Variants in CPNE4 observed in about 807,000 individuals in gnomAD.
CPNE4 encodes copine-4.
Under a neutral mutation model 67.9 loss-of-function variants are expected in CPNE4, and 25 were observed. That is an observed-to-expected ratio of 0.37 (90% CI 0.27 to 0.51). The LOEUF (loss-of-function observed/expected upper bound fraction) is 0.51, where lower values mean the gene tolerates loss of function less well. Ranked by LOEUF, CPNE4 falls within the 20% of genes least tolerant of loss-of-function variation. CPNE4 has a pLI of 0.93. For synonymous variants in CPNE4, 242 were observed against 244.9 expected (o/e 0.99, Z 0.11); for missense variants, 464 against 690.8 (o/e 0.67, Z 3.68).
intron 2 of CPNE4, among the ~76,000 whole-genome samples, chr3:131,822,569 G>T (rs1315848026): frequency 1.3e-5 from 2 of 152,164 alleles, no homozygotes; most frequent in East Asian, 3.9e-4. Context: ...GTCTGCTTTG[G>T]AAAGTTGTCT....
At chr3:131,863,213 G>C (rs549931826) in intron 2 of CPNE4, among the ~76,000 whole-genome samples, 2 of 151,998 alleles carry the variant, frequency 1.3e-5, no homozygotes, top group African/African-American at 4.8e-5. Context: ...TAATCCTTTG[G>C]GTACATACCC....
chr3:131,643,424 C>T (rs1406943834), intron 7 of CPNE4, among the ~76,000 whole-genome samples: 4 of 152,194 alleles, frequency 2.6e-5, no homozygotes, highest in Non-Finnish European at 5.9e-5. Flanking sequence ...TGTATTTACC[C>T]AATGCCTGTA....
intron 1 of CPNE4, among the ~76,000 whole-genome samples, chr3:131,977,378 T>A (rs954717602): frequency 3.9e-5 from 6 of 152,156 alleles, no homozygotes; most frequent in Admixed American, 1.3e-4. Flanking sequence ...TAATTAGCTA[T>A]GACAGCACCT....
At chr3:131,537,659 G>T in intron 15 of CPNE4, 1 of 262,392 alleles carries the variant, frequency 3.8e-6, no homozygotes, top group South Asian at 4.0e-5. Context: ...CTTAGTTTGG[G>T]ACTTCAGCCA....
chr3:131,856,798 G>T (rs765030559), intron 2 of CPNE4, among the ~76,000 whole-genome samples: 9 of 151,918 alleles, frequency 5.9e-5, no homozygotes, highest in Non-Finnish European at 8.8e-5. Flanking sequence ...TGATCCTCCC[G>T]TGAGGTAATT....
chr3:131,600,006 T>A (rs1939113708), intron 7 of CPNE4, among the ~76,000 whole-genome samples: 1 of 152,134 alleles, frequency 6.6e-6, no homozygotes, highest in African/African-American at 2.4e-5. Flanking sequence ...GAATCCAGTT[T>A]TGGGCATCCT....
At chr3:132,018,001 G>C (rs1377844354) in intron 1 of CPNE4, among the ~76,000 whole-genome samples, 1 of 152,158 alleles carries the variant, frequency 6.6e-6, no homozygotes, top group Non-Finnish European at 1.5e-5. Context: ...GCTCAACTCA[G>C]AGTGTGCCCC....
chr3:131,881,609 C>T (rs2087675080), intron 2 of CPNE4, among the ~76,000 whole-genome samples: 1 of 152,050 alleles, frequency 6.6e-6, no homozygotes, highest in Non-Finnish European at 1.5e-5. Flanking sequence ...CAGAGTTTAA[C>T]ATTAAGGTAT....
intron 5 of CPNE4, among the ~76,000 whole-genome samples, chr3:131,694,656 G>C (rs975088229): frequency 6.6e-6 from 1 of 152,130 alleles, no homozygotes; most frequent in East Asian, 1.9e-4. Flanking sequence ...TCTGGGAGAA[G>C]CCAGATACTC....
intron 1 of CPNE4, among the ~76,000 whole-genome samples, chr3:131,944,328 T>A (rs2071487214): frequency 6.6e-6 from 1 of 151,970 alleles, no homozygotes; most frequent in South Asian, 2.1e-4. Context: ...TGTGGGCAAT[T>A]TGGGGTAGGA....
At chr3:131,951,852 C>G (rs1014535594) in intron 1 of CPNE4, among the ~76,000 whole-genome samples, 8 of 151,704 alleles carry the variant, frequency 5.3e-5, no homozygotes, top group Admixed American at 3.9e-4. Context: ...GACGGAGTCT[C>G]GTTCACTCAG....
At chr3:132,024,667 G>A (rs952551068) in intron 1 of CPNE4, among the ~76,000 whole-genome samples, 10 of 152,156 alleles carry the variant, frequency 6.6e-5, no homozygotes, top group East Asian at 5.8e-4. Context: ...TGTCTGTTTC[G>A]TTCATCCCAC....
At chr3:132,011,837 C>T (rs1186838898) in intron 1 of CPNE4, among the ~76,000 whole-genome samples, 1 of 152,160 alleles carries the variant, frequency 6.6e-6, no homozygotes, top group Non-Finnish European at 1.5e-5. Context: ...ACACATCATC[C>T]CCTTTGTTCT....
chr3:131,784,555 T>C (rs1249576132), intron 2 of CPNE4, among the ~76,000 whole-genome samples: 6 of 152,044 alleles, frequency 3.9e-5, no homozygotes, highest in Admixed American at 2.0e-4. Flanking sequence ...ACCCATGAGA[T>C]TCAAAAACTG....
chr3:131,949,341 G>T (rs996567018), intron 1 of CPNE4, among the ~76,000 whole-genome samples: 25 of 152,158 alleles, frequency 1.6e-4, no homozygotes, highest in African/African-American at 6.0e-4. Flanking sequence ...TATCAGATAT[G>T]ATGTTCCACT....
intron 1 of CPNE4, among the ~76,000 whole-genome samples, chr3:131,967,104 T>C (rs1210999390): frequency 2.0e-5 from 3 of 151,978 alleles, no homozygotes; most frequent in Admixed American, 6.6e-5. Context: ...ATCACATAAA[T>C]AGAACCAATG....
At chr3:131,959,721 GTAC>G (rs1560684522) in intron 1 of CPNE4, among the ~76,000 whole-genome samples, 1 of 152,112 alleles carries the variant, frequency 6.6e-6, no homozygotes, top group African/African-American at 2.4e-5. Context: ...AGGGGACGTT[GTAC>G]CAACTCTCAG....
In CPNE4 at chr3:131,723,485, C is replaced by T. The variant is rs766882100; in HGVS notation, c.321G>A (p.Glu107=). The T allele has an allele frequency of 3.1e-6, 5 of 1,613,564 alleles. No individual in the cohort carries two copies. The highest frequency in any genetic ancestry group is 4.5e-5 in the East Asian group (2 of 44,890). The change falls in exon 3 of 16, where the codon GAG becomes GAA. Residue 107 remains glutamate, a synonymous_variant. Coordinates refer to ENST00000429747, the MANE Select transcript of CPNE4 (RefSeq NM_130808.3). ...DISSNHNGLK[E]ADFLGGMECT... ...ACTCCATGCCACCAAGGAAGTCGGC[C>T]TCCTTCAGCCCATTGTGGTTGCTGC...
intron 6 of CPNE4, among the ~76,000 whole-genome samples, chr3:131,681,506 G>A (rs2080755035): frequency 6.6e-6 from 1 of 152,124 alleles, no homozygotes; most frequent in African/African-American, 2.4e-5. Context: ...ATGTATTAGA[G>A]CTGTATTGTA....
Sources: gnomAD v4.1 joint callset for allele counts (sites outside exome capture counted in the v4.1 genomes callset) on GRCh38, gnomAD v4.1.1 for gene constraint, MANE v1.5 for transcripts, NCBI Gene and HGNC (gene_info 2026-07-23, HGNC 2026-07-21) for gene names.